SDK1: variants seen among roughly 807,000 people sequenced by gnomAD.
SDK1 encodes the protein sidekick cell adhesion molecule 1, also known as protein sidekick-1.
Under a neutral mutation model 245.5 loss-of-function variants are expected in SDK1, and 157 were observed. That is an observed-to-expected ratio of 0.64 (90% CI 0.56 to 0.73). The LOEUF (loss-of-function observed/expected upper bound fraction) is 0.73. SDK1 is among the 30% of genes least tolerant of loss of function. SDK1 has a pLI of 0.00. For missense variants in SDK1, 3,583 were observed against 3,002.3 expected (o/e 1.19, Z -4.52); for synonymous variants, 1,647 against 1,278.5 (o/e 1.29, Z -6.15).
At chr7:3,335,465 G>C (rs1323936236) in intron 1 of SDK1, among the ~76,000 whole-genome samples, 1 of 151,114 alleles carries the variant, frequency 6.6e-6, no homozygotes. Context: ...AGCTTCATAG[G>C]TAGGAATGTT....
chr7:4,000,001 G>A (rs1307814272), intron 14 of SDK1, among the ~76,000 whole-genome samples: 1 of 152,190 alleles, frequency 6.6e-6, no homozygotes, highest in East Asian at 1.9e-4. Context: ...TTTTTAGCAA[G>A]ATTAACCTGG....
intron 17 of SDK1, among the ~76,000 whole-genome samples, chr7:4,029,460 C>T (rs1029427240): frequency 3.9e-5 from 6 of 152,136 alleles, no homozygotes; most frequent in African/African-American, 1.4e-4. Context: ...ATCTGCCCAC[C>T]TGGGCCTCCG....
chr7:3,847,735 C>A (rs1009611102), intron 5 of SDK1, among the ~76,000 whole-genome samples: 1 of 152,230 alleles, frequency 6.6e-6, no homozygotes, highest in African/African-American at 2.4e-5. Context: ...CAAATAGTTG[C>A]AAGGAATATT....
At chr7:3,779,889 A>G (rs112090831) in intron 4 of SDK1, among the ~76,000 whole-genome samples, 11,940 of 146,732 alleles carry the variant, frequency 0.081, 1,490 homozygotes, top group African/African-American at 0.28. Flanking sequence ...CCGAGATTGC[A>G]CCACTGCAGT....
At chr7:4,075,471 C>G (rs915405542) in intron 20 of SDK1, among the ~76,000 whole-genome samples, 2 of 152,138 alleles carry the variant, frequency 1.3e-5, no homozygotes, top group African/African-American at 4.8e-5. Flanking sequence ...TTCTATATCC[C>G]TGAGGTTATT....
intron 2 of SDK1, among the ~76,000 whole-genome samples, chr7:3,620,915 G>C (rs1349637905): frequency 1.3e-5 from 2 of 152,144 alleles, no homozygotes; most frequent in African/African-American, 2.4e-5. Flanking sequence ...TCGAGGAAAA[G>C]TTTATCATAG....
chr7:3,762,212 A>C (rs1171598759), intron 4 of SDK1, among the ~76,000 whole-genome samples: 2 of 152,218 alleles, frequency 1.3e-5, no homozygotes, highest in African/African-American at 4.8e-5. Flanking sequence ...CTAGTTGAGG[A>C]AGCAGTACCT....
At chr7:3,317,549 G>T (rs1779694122) in intron 1 of SDK1, among the ~76,000 whole-genome samples, 2 of 141,176 alleles carry the variant, frequency 1.4e-5, no homozygotes. Flanking sequence ...CTGCCAGGAG[G>T]GCGCTTCCTT....
chr7:3,756,464 T>C (rs1186898343), intron 4 of SDK1, among the ~76,000 whole-genome samples: 1 of 151,108 alleles, frequency 6.6e-6, no homozygotes, highest in Non-Finnish European at 1.5e-5. Flanking sequence ...ATGTATATCG[T>C]TGTTTTAAAT....
Position 4,245,784 on chromosome 7 carries a change from G to A in SDK1, c.6360G>A (p.Ser2120=), listed in dbSNP as rs566653950. ...LTESVSLKEK[S]ADASESEATD... is the part of the protein sequence containing the mutation. ...AGAGCGTGAGCCTCAAGGAGAAGTC[G>A]GCAGATGCATCAGAATCTGAGGTCA... Residue 2120 remains serine, a synonymous_variant, in exon 44 of 45, where the codon TCG becomes TCA. Transcript: ENST00000404826. The A allele has an allele frequency of 7.4e-5, 119 of 1,613,862 alleles. 1 individual carries two copies. The South Asian group carries it at 1.1e-3, about 15-fold the overall frequency.
chr7:3,312,233 A>G (rs865913079), intron 1 of SDK1, among the ~76,000 whole-genome samples: 1 of 152,282 alleles, frequency 6.6e-6, no homozygotes. Context: ...GTCTAGAACT[A>G]TGGAAATGAA....
chr7:3,833,213 A>G (rs911644798), intron 5 of SDK1, among the ~76,000 whole-genome samples: 1 of 152,198 alleles, frequency 6.6e-6, no homozygotes, highest in African/African-American at 2.4e-5. Flanking sequence ...AGTCGAACTT[A>G]AAGAGTAGGA....
At chr7:3,772,610 C>G (rs1780435558) in intron 4 of SDK1, among the ~76,000 whole-genome samples, 1 of 152,148 alleles carries the variant, frequency 6.6e-6, no homozygotes, top group South Asian at 2.1e-4. Flanking sequence ...GAGTTACAAA[C>G]TAGTGCTAAA....
At chr7:3,476,907 G>C (rs1781362291) in intron 1 of SDK1, among the ~76,000 whole-genome samples, 1 of 152,180 alleles carries the variant, frequency 6.6e-6, no homozygotes, top group South Asian at 2.1e-4. Flanking sequence ...TGGGGAAAGA[G>C]GAACTCCTCT....
At chr7:3,706,690 C>T (rs1256216391) in intron 4 of SDK1, among the ~76,000 whole-genome samples, 3 of 152,202 alleles carry the variant, frequency 2.0e-5, no homozygotes, top group African/African-American at 7.2e-5. Flanking sequence ...GCGTGAGCCA[C>T]TGTGCTCGGC....
intron 1 of SDK1, among the ~76,000 whole-genome samples, chr7:3,494,061 G>A (rs1172818490): frequency 1.3e-5 from 2 of 151,956 alleles, no homozygotes; most frequent in South Asian, 2.1e-4. Flanking sequence ...TTTTTTTAAG[G>A]TAAACTCTGA....
chr7:4,009,526 GAC>G (rs1013993527), intron 14 of SDK1, among the ~76,000 whole-genome samples: 1 of 152,178 alleles, frequency 6.6e-6, no homozygotes, highest in African/African-American at 2.4e-5. Flanking sequence ...TTTTAAAGGA[GAC>G]ACACAGAGAG....
At chr7:3,897,014 A>C (rs1039504883) in intron 5 of SDK1, among the ~76,000 whole-genome samples, 2 of 152,080 alleles carry the variant, frequency 1.3e-5, no homozygotes, top group Admixed American at 6.6e-5. Context: ...CAGGAGAGAG[A>C]GAGCAGAGGG....
At chr7:3,479,580 A>G (rs1194351858) in intron 1 of SDK1, among the ~76,000 whole-genome samples, 1 of 151,714 alleles carries the variant, frequency 6.6e-6, no homozygotes, top group Non-Finnish European at 1.5e-5. Context: ...TTACTTCACT[A>G]AGGCCAGGCA....
Sources: allele counts gnomAD v4.1 joint callset (sites outside exome capture counted in the v4.1 genomes callset), GRCh38; gene constraint gnomAD v4.1.1; transcripts MANE v1.5; gene names NCBI Gene and HGNC (gene_info 2026-07-23, HGNC 2026-07-21).